Variants in SBF2 observed in about 807,000 individuals in gnomAD.
SBF2 encodes the protein myotubularin-related protein 13.
SBF2 carries 112 observed loss-of-function variants against 225.2 expected under a neutral mutation model. That is an observed-to-expected ratio of 0.50 (90% CI 0.43 to 0.58). The LOEUF (loss-of-function observed/expected upper bound fraction) is 0.58. Ranked by LOEUF, SBF2 falls within the 20% of genes least tolerant of loss-of-function variation. SBF2 has a pLI of 0.00. For missense variants in SBF2, 1,996 were observed against 2,206.2 expected, an observed-to-expected ratio of 0.90 and a Z score of 1.91; for synonymous variants, 763 against 773.3, an observed-to-expected ratio of 0.99 and a Z score of 0.22.
intron 16 of SBF2, among the ~76,000 whole-genome samples, chr11:9,942,901 G>GAGAGAAAGAAAGAAAGAA (rs1209099295): frequency 2.6e-4 from 26 of 101,380 alleles, no homozygotes; most frequent in African/African-American, 7.8e-4. Flanking sequence ...AAGAGAGAGA[G>GAGAGAAAGAAAGAAAGAA]AGAAAGAAAG....
chr11:10,088,623 G>T (rs543837929), intron 2 of SBF2, among the ~76,000 whole-genome samples: 73 of 152,272 alleles, frequency 4.8e-4, no homozygotes, highest in African/African-American at 1.7e-3. Flanking sequence ...TGAAGGGGAG[G>T]TGTCTGGCTC....
intron 1 of SBF2, among the ~76,000 whole-genome samples, chr11:10,263,331 CA>C (rs1158757716): frequency 6.6e-6 from 1 of 151,564 alleles, no homozygotes; most frequent in Admixed American, 6.6e-5. Context: ...AGTAAAAATT[CA>C]AGTTTTTTTT....
At chr11:10,211,443 T>C (rs1957942295) in intron 1 of SBF2, among the ~76,000 whole-genome samples, 1 of 152,246 alleles carries the variant, frequency 6.6e-6, no homozygotes, top group Non-Finnish European at 1.5e-5. Context: ...GCTTATCTTC[T>C]ACTTCAGAAA....
At chr11:10,070,719 G>T (rs1950829880) in intron 2 of SBF2, among the ~76,000 whole-genome samples, 1 of 152,106 alleles carries the variant, frequency 6.6e-6, no homozygotes, top group Non-Finnish European at 1.5e-5. Flanking sequence ...AGCTTGATGG[G>T]GATGGAATTG....
At chr11:9,888,167 T>C (rs73418575) in intron 17 of SBF2, among the ~76,000 whole-genome samples, 2,100 of 152,208 alleles carry the variant, frequency 0.014, 36 homozygotes, top group African/African-American at 0.047. Flanking sequence ...CAAAAGTGTA[T>C]TTAGTGTAAT....
intron 2 of SBF2, among the ~76,000 whole-genome samples, chr11:10,080,248 C>CAAAAAAAAAAA (rs34181436): frequency 1.2e-5 from 1 of 82,226 alleles, no homozygotes; most frequent in Non-Finnish European, 2.3e-5. Flanking sequence ...AACTCTGTCT[C>CAAAAAAAAAAA]AAAAAAAAAA....
At chr11:9,970,471 C>T (rs1867260548) in intron 13 of SBF2, among the ~76,000 whole-genome samples, 1 of 152,174 alleles carries the variant, frequency 6.6e-6, no homozygotes, top group South Asian at 2.1e-4. Flanking sequence ...TCCCATACAT[C>T]CTCTTGACAC....
At chr11:9,891,591 T>C (rs902035014) in intron 17 of SBF2, among the ~76,000 whole-genome samples, 1 of 152,346 alleles carries the variant, frequency 6.6e-6, no homozygotes, top group African/African-American at 2.4e-5. Context: ...AAAATGAAAG[T>C]ACCATATAAA....
chr11:9,939,381 C>G (rs955233659), intron 16 of SBF2, among the ~76,000 whole-genome samples: 7 of 152,198 alleles, frequency 4.6e-5, no homozygotes, highest in African/African-American at 1.7e-4. Context: ...CAGGCGTGAG[C>G]CACTGCGCCC....
At chr11:9,831,785 T>G (rs1335272351) in intron 27 of SBF2, among the ~76,000 whole-genome samples, 1 of 152,212 alleles carries the variant, frequency 6.6e-6, no homozygotes, top group Non-Finnish European at 1.5e-5. Flanking sequence ...TGCTGTCTTG[T>G]GTGTGCGTAT....
chr11:10,281,053 A>G (rs1963375735), intron 1 of SBF2, among the ~76,000 whole-genome samples: 3 of 152,170 alleles, frequency 2.0e-5, no homozygotes, highest in Admixed American at 2.0e-4. Context: ...TCTTCTGTGT[A>G]TCTGGATTCA....
chr11:10,021,180 TA>T (rs772737408), intron 6 of SBF2, among the ~76,000 whole-genome samples: 2 of 152,208 alleles, frequency 1.3e-5, no homozygotes, highest in Admixed American at 1.3e-4. Context: ...ATACATTTTC[TA>T]AAACTAGTAC....
intron 1 of SBF2, among the ~76,000 whole-genome samples, chr11:10,263,514 T>C (rs1961642784): frequency 6.6e-6 from 1 of 152,150 alleles, no homozygotes; most frequent in African/African-American, 2.4e-5. Flanking sequence ...TAATTACTAG[T>C]ATCAAGAGAC....
chr11:9,902,304 T>C (rs1214116345), intron 16 of SBF2, among the ~76,000 whole-genome samples: 2 of 152,340 alleles, frequency 1.3e-5, no homozygotes, highest in East Asian at 3.9e-4. Flanking sequence ...CAAGCATTTC[T>C]TTCTACTCTA....
intron 2 of SBF2, among the ~76,000 whole-genome samples, chr11:10,172,365 T>A (rs998095484): frequency 3.9e-5 from 6 of 152,288 alleles, no homozygotes; most frequent in African/African-American, 1.4e-4. Context: ...AAAAATTTTT[T>A]TTTTTGAGAA....
At chr11:9,826,572 T>G (rs1320350206) in intron 28 of SBF2, among the ~76,000 whole-genome samples, 1 of 151,970 alleles carries the variant, frequency 6.6e-6, no homozygotes, top group Non-Finnish European at 1.5e-5. Context: ...CTAGGGCCAA[T>G]ATGTAAAAGT....
chr11:10,109,272 A>T (rs1328750591), intron 2 of SBF2, among the ~76,000 whole-genome samples: 1 of 152,202 alleles, frequency 6.6e-6, no homozygotes, highest in Non-Finnish European at 1.5e-5. Context: ...ATTACATGTT[A>T]AAGGACCAAA....
At chr11:10,044,546 T>G (rs1949780701) in intron 2 of SBF2, 1 of 216,854 alleles carries the variant, frequency 4.6e-6, no homozygotes, top group South Asian at 7.1e-5. Flanking sequence ...ACCACCAGAC[T>G]GGGAAGCAAC....
intron 2 of SBF2, among the ~76,000 whole-genome samples, chr11:10,184,832 T>C (rs1956869586): frequency 6.6e-6 from 1 of 152,184 alleles, no homozygotes; most frequent in African/African-American, 2.4e-5. Context: ...GCTCATGCCA[T>C]TCTCTCACCT....
Sources: allele counts gnomAD v4.1 joint callset (sites outside exome capture counted in the v4.1 genomes callset), GRCh38; gene constraint gnomAD v4.1.1; transcripts MANE v1.5; gene names NCBI Gene and HGNC (gene_info 2026-07-23, HGNC 2026-07-21).